Variants in MYO7A observed in about 807,000 individuals in gnomAD.
The protein encoded by MYO7A is myosin VIIA.
MYO7A carries 210 observed loss-of-function variants against 263.8 expected under a neutral mutation model. The observed-to-expected ratio is 0.80, with a 90% confidence interval of 0.71 to 0.89. The LOEUF is 0.89. Among genes scored for constraint, MYO7A ranks in the 40% least tolerant of loss-of-function variants. The pLI is 0.00. For synonymous variants in MYO7A, 1,239 were observed against 1,197.3 expected (o/e 1.03, Z -0.72); for missense variants, 2,820 against 2,968.3 (o/e 0.95, Z 1.16).
chr11:77,198,099 G>T (rs1339629221), intron 33 of MYO7A, among the ~76,000 whole-genome samples: 1 of 152,238 alleles, frequency 6.6e-6, no homozygotes, highest in Non-Finnish European at 1.5e-5. Context: ...CACTGGCTCA[G>T]CCATCCTCGG....
At chr11:77,164,183 A>G (rs1031642271) in intron 14 of MYO7A, among the ~76,000 whole-genome samples, 10 of 152,162 alleles carry the variant, frequency 6.6e-5, no homozygotes, top group African/African-American at 2.2e-4. Context: ...GTCAGAACAC[A>G]GGCTTATCTC....
intron 15 of MYO7A, among the ~76,000 whole-genome samples, 191 bp from the exon 16 acceptor site, chr11:77,172,557 G>A (rs544277900): frequency 6.6e-6 from 1 of 152,272 alleles, no homozygotes; most frequent in South Asian, 2.1e-4. Context: ...AGGCTTCCTG[G>A]AGGAGGTATC....
chr11:77,162,337 C>A lies in MYO7A; in HGVS notation c.1554+7C>A. ...GGAGAGCAAGTTCCCCAAGGTGGGC[C>A]GGTCCTGCTGCCGCCTCCCAGGGTC... On this transcript the variant is annotated splice_region_variant and intron_variant, in intron 13 of 48. Transcript: ENST00000409709. 6.4e-7 allele frequency: 1 copy of A among 1,551,128 alleles called. No individual in the cohort carries two copies. The highest frequency in any genetic ancestry group is 8.7e-7 in the Non-Finnish European group (1 of 1,146,926).
At chr11:77,137,578 G>C (rs535832252) in intron 2 of MYO7A, among the ~76,000 whole-genome samples, 59 of 152,310 alleles carry the variant, frequency 3.9e-4, no homozygotes, top group African/African-American at 1.4e-3. Flanking sequence ...GGGATGGGAC[G>C]GTGGCCTCTG....
At chr11:77,173,355 C>G (rs1166074773) in intron 16 of MYO7A, among the ~76,000 whole-genome samples, 3 of 152,242 alleles carry the variant, frequency 2.0e-5, no homozygotes, top group Admixed American at 2.0e-4. Flanking sequence ...TCCTGGAAGC[C>G]TCCCCCATCT....
At chr11:77,151,902 G>A (rs1555057383) in intron 4 of MYO7A, among the ~76,000 whole-genome samples, 5 of 152,338 alleles carry the variant, frequency 3.3e-5, no homozygotes, top group African/African-American at 1.2e-4. Flanking sequence ...CAGGTGGAGA[G>A]GCCAGAGCTG....
At chr11:77,196,042 A>C (rs983365590) in intron 32 of MYO7A, among the ~76,000 whole-genome samples, 4 of 152,184 alleles carry the variant, frequency 2.6e-5, no homozygotes, top group African/African-American at 9.7e-5. Flanking sequence ...ATTACAGCCC[A>C]CCCAAGATAT....
Position 77,179,753 on chromosome 11 carries a change from C to T in MYO7A, c.2386C>T (p.Arg796Trp), listed in dbSNP as rs111033339. Residue 796 changes from arginine to tryptophan, a missense_variant, in exon 21 of 49, where the codon CGG becomes TGG. Arg to Trp is a moderately radical substitution (Grantham distance 101, BLOSUM62 -3). Transcript: ENST00000409709. Reference sequence around the variant, plus strand: ...CTTGCAGATGCGTCTGGGCTTCCTGCGGCTGCAGGCCCTGCACCGCTCCCG... The same window carrying T: ...CTTGCAGATGCGTCTGGGCTTCCTGTGGCTGCAGGCCCTGCACCGCTCCCG... The part of the protein sequence containing the change: ...NYGLMRLGFL[R>W]LQALHRSRKL... The T allele has an allele frequency of 5.8e-6, 9 of 1,543,720 alleles. No homozygotes were observed. The highest frequency in any genetic ancestry group is 1.9e-5 in the Admixed American group (1 of 51,620).
intron 27 of MYO7A, 126 bp downstream of exon 27, chr11:77,184,841 T>C: frequency 6.9e-7 from 1 of 1,451,622 alleles, no homozygotes; most frequent in Non-Finnish European, 9.5e-7. Flanking sequence ...AGCTAGTTGG[T>C]GGAGTTAGGA....
At chr11:77,157,121 C>A in intron 7 of MYO7A, 117 bp downstream of exon 7, 2 of 1,465,364 alleles carry the variant, frequency 1.4e-6, no homozygotes, top group Non-Finnish European at 1.9e-6. Flanking sequence ...CGTATTGCTG[C>A]CTGCTTCCCT....
chr11:77,131,542 CCCAT>C (rs1950767568), intron 2 of MYO7A, among the ~76,000 whole-genome samples: 1 of 152,224 alleles, frequency 6.6e-6, no homozygotes, highest in Non-Finnish European at 1.5e-5. Context: ...TGTTCAAACG[CCCAT>C]TAGAGATGGG....
chr11:77,210,270 C>A (rs555910278), intron 44 of MYO7A, among the ~76,000 whole-genome samples: 34 of 152,186 alleles, frequency 2.2e-4, no homozygotes, highest in Non-Finnish European at 4.3e-4. Context: ...ATGTTCAATG[C>A]ATGCTTGTTG....
chr11:77,130,746 C>T, intron 2 of MYO7A, 94 bp downstream of exon 2: 1 of 1,438,102 alleles, frequency 7.0e-7, no homozygotes, highest in Non-Finnish European at 9.6e-7. Context: ...CCAGGGTGTT[C>T]TCTTGGAAAA....
chr11:77,179,473 C>T (rs1266512305), intron 20 of MYO7A, among the ~76,000 whole-genome samples: 3 of 152,228 alleles, frequency 2.0e-5, no homozygotes, highest in Admixed American at 2.0e-4. Flanking sequence ...GGATGGGAAG[C>T]AGACTGGTTG....
In MYO7A at chr11:77,181,485, C is replaced by T. The variant is rs1822288858; in HGVS notation, c.2800C>T (p.His934Tyr). Residue 934 changes from histidine (H) to tyrosine (Y), a missense_variant, in exon 23 of 49, where the codon CAT (histidine) becomes TAT (tyrosine). Transcript: ENST00000409709. ...CCTGGAGCAGATGGAAAGGGCCCGC[C>T]ATGAGCCTGTCAATCACTCAGACAT... ...ELLEQMERAR[H>Y]EPVNHSDMVD... The T allele has an allele frequency of 6.2e-7, 1 of 1,613,136 alleles. No individual in the cohort carries two copies. The highest frequency in any genetic ancestry group is 1.7e-5 in the Admixed American group (1 of 59,960).
At chr11:77,203,844 A>G (rs372644955) in intron 38 of MYO7A, among the ~76,000 whole-genome samples, 10 of 152,146 alleles carry the variant, frequency 6.6e-5, no homozygotes, top group Admixed American at 2.0e-4. Context: ...GCATGGTCAG[A>G]TTCACCATCT....
intron 1 of MYO7A, among the ~76,000 whole-genome samples, chr11:77,129,360 G>A (rs61899968): frequency 0.3 from 45,814 of 152,198 alleles, 8,046 homozygotes; most frequent in Middle Eastern, 0.48. Flanking sequence ...GTCAGGGCTC[G>A]GATGTCGGGC....
At chr11:77,136,274 G>A (rs1303892652) in intron 2 of MYO7A, among the ~76,000 whole-genome samples, 1 of 152,118 alleles carries the variant, frequency 6.6e-6, no homozygotes, top group East Asian at 1.9e-4. Flanking sequence ...TCATACTAAC[G>A]ATTCGTTGTA....
At chr11:77,166,361 T>C (rs1395708525) in intron 15 of MYO7A, among the ~76,000 whole-genome samples, 199 bp downstream of exon 15, 1 of 152,114 alleles carries the variant, frequency 6.6e-6, no homozygotes, top group African/African-American at 2.4e-5. Flanking sequence ...TAACTGGGGA[T>C]ATGGCTGGGG....
Sources: allele counts gnomAD v4.1 joint callset (sites outside exome capture counted in the v4.1 genomes callset), GRCh38; gene constraint gnomAD v4.1.1; transcripts MANE v1.5; gene names NCBI Gene and HGNC (gene_info 2026-07-23, HGNC 2026-07-21).